RET: variants seen among roughly 807,000 people sequenced by gnomAD.
RET encodes ret proto-oncogene.
A neutral mutation model predicts 118.3 loss-of-function variants in RET; 19 were observed. The ratio of observed to expected loss-of-function variants is 0.16; its 90% CI spans 0.11 to 0.24. The LOEUF (loss-of-function observed/expected upper bound fraction) is 0.24, where lower values mean the gene tolerates loss of function less well. RET is among the 10% of genes least tolerant of loss of function. The pLI, the probability that RET is intolerant of heterozygous loss-of-function variation, is 1.00. For missense variants in RET, 1,219 were observed against 1,502.1 expected, an observed-to-expected ratio of 0.81 and a Z score of 3.12; for synonymous variants, 597 against 644.1, an observed-to-expected ratio of 0.93 and a Z score of 1.11.
rs746493433 is a variant in RET at position 43,128,210 on chromosome 10, T to C, written c.3286T>C (p.Tyr1096His). Residue 1096 changes from tyrosine (Y) to histidine (H), a missense_variant, in exon 20 of 20, where the codon TAT becomes CAT. Coordinates refer to ENST00000355710, the MANE Select transcript of RET (RefSeq NM_020975.6). ...GFPRYPNDSV[Y>H]ANWMLSPSAA... ...TCCAAGATATCCAAATGATAGTGTA[T>C]ATGCTAACTGGATGCTTTCACCCTC... 1.2e-6 allele frequency: 2 copies of C among 1,614,184 alleles called. No homozygotes were observed. The highest frequency in any genetic ancestry group is 1.1e-5 in the South Asian group (1 of 91,082).
intron 5 of RET, among the ~76,000 whole-genome samples, chr10:43,107,259 A>G (rs1010877803): frequency 4.2e-4 from 63 of 151,702 alleles, no homozygotes; most frequent in Admixed American, 2.7e-3. Context: ...TCCCCACCTC[A>G]CCAAGCCTAT....
In RET at chr10:43,106,856, C is replaced by T. The variant is rs899585748; in HGVS notation, c.1063+285C>T. ...TGCTGACCTCACCAGGGCTCACCAC[C>T]GACTGCAAACACACATGTCACCTGA... On this transcript the variant is annotated intron_variant, in intron 5 of 19. Coordinates refer to ENST00000355710, the MANE Select transcript of RET (RefSeq NM_020975.6). The surrounding 1 kb of genome is among the most constrained non-coding windows in gnomAD (Gnocchi z 5.1). 1.3e-5 allele frequency among the ~76,000 whole-genome samples: 2 copies of T among 152,364 alleles called. No individual in the cohort carries two copies. Among genetic ancestry groups the T allele is most frequent in the East Asian group, 1.9e-4 (1 of 5,186 alleles).
At chr10:43,093,665 C>T (rs1221884991) in intron 1 of RET, among the ~76,000 whole-genome samples, 1 of 152,104 alleles carries the variant, frequency 6.6e-6, no homozygotes, top group Non-Finnish European at 1.5e-5. Flanking sequence ...CGCTGGACAG[C>T]ACCAAAGACA....
intron 12 of RET, among the ~76,000 whole-genome samples, chr10:43,117,134 G>T (rs906470847): frequency 1.1e-4 from 16 of 152,200 alleles, no homozygotes; most frequent in Admixed American, 3.3e-4. Flanking sequence ...TGGCCTGCAT[G>T]CCCAGTCATG....
intron 1 of RET, among the ~76,000 whole-genome samples, 176 bp downstream of exon 1, chr10:43,077,507 CAGG>C (rs1837074074): frequency 6.7e-6 from 1 of 149,080 alleles, no homozygotes; most frequent in Non-Finnish European, 1.5e-5. Context: ...GGGCGAAGGG[CAGG>C]ACGCCTCGGG....
chr10:43,116,770 C>G (rs2132911526), intron 12 of RET, 39 bp downstream of exon 12: 2 of 1,587,348 alleles, frequency 1.3e-6, no homozygotes, highest in Non-Finnish European at 1.7e-6. Context: ...CTGGGGGAGT[C>G]TCCGGGGCGG....
Position 43,104,911 on chromosome 10 carries a change from G to T in RET, c.626-41G>T. The T allele has an allele frequency of 2.6e-6, 4 of 1,542,506 alleles. 1 individual carries two copies. ...CGAGGAAAGCGGCTGGCCCGGTCCCGGCTGGTGATCACGCGGGGCCCCTGT... is the reference window on the plus strand; with the variant it reads ...CGAGGAAAGCGGCTGGCCCGGTCCCTGCTGGTGATCACGCGGGGCCCCTGT... On this transcript the variant is annotated intron_variant, in intron 3 of 19. Transcript: ENST00000355710.
At chr10:43,091,009 G>A (rs894075617) in intron 1 of RET, among the ~76,000 whole-genome samples, 1 of 151,806 alleles carries the variant, frequency 6.6e-6, no homozygotes, top group African/African-American at 2.4e-5. Context: ...AGGTGACCAG[G>A]GCAGCAGGGT....
chr10:43,124,287 G>T (rs752348822), intron 17 of RET, among the ~76,000 whole-genome samples: 28 of 152,230 alleles, frequency 1.8e-4, no homozygotes, highest in Admixed American at 5.2e-4. Flanking sequence ...GAGATGCATG[G>T]TACATGCATT....
Position 43,123,744 on chromosome 10 carries a change from C to G in RET, c.2875C>G (p.Arg959Gly), listed in dbSNP as rs587778658. ...GNPYPGIPPE[R>G]LFNLLKTGHR... Reference sequence around the variant, plus strand: ...CCCCTATCCTGGGATTCCTCCTGAGCGGCTCTTCAACCTTCTGAAGACCGG... The same window carrying G: ...CCCCTATCCTGGGATTCCTCCTGAGGGGCTCTTCAACCTTCTGAAGACCGG... Residue 959 changes from arginine (R) to glycine (G), a missense_variant, in exon 17 of 20, where the codon CGG becomes GGG. Arg to Gly is a moderately radical substitution (Grantham distance 125, BLOSUM62 -2). This residue lies in a region of RET where 73 missense variants were observed against 156.5 expected (regional missense o/e 0.47). Coordinates refer to ENST00000355710, the MANE Select transcript of RET (RefSeq NM_020975.6). 6.2e-7 allele frequency: 1 copy of G among 1,614,150 alleles called. No homozygotes were observed. The highest frequency in any genetic ancestry group is 8.5e-7 in the Non-Finnish European group (1 of 1,180,030).
chr10:43,116,777 G>GT, intron 12 of RET, 46 bp downstream of exon 12: 1 of 1,155,754 alleles, frequency 8.7e-7, no homozygotes, highest in Non-Finnish European at 1.3e-6. Flanking sequence ...AGTCTCCGGG[G>GT]CGGGGGGCGG....
Position 43,116,552 on chromosome 10 carries a change from CT to C in RET, c.2137-31del, listed in dbSNP as rs778378926. On this transcript the variant is annotated intron_variant, in intron 11 of 19. Transcript: ENST00000355710. ...CCTGTCATCCTCACACTTTTCCCCCCTCTTCTCCCCCTTCCCTCATTTCCAA... is the reference window on the plus strand; with the variant it reads ...CCTGTCATCCTCACACTTTTCCCCCCCTTCTCCCCCTTCCCTCATTTCCAA... 3.3e-5 allele frequency: 53 copies of C among 1,613,484 alleles called. No homozygotes were observed. The highest frequency in any genetic ancestry group is 5.5e-5 in the South Asian group (5 of 91,064).
At chr10:43,111,077 C>CG (rs1033317236) in intron 6 of RET, 130 bp from the exon 7 acceptor site, 125 of 1,318,652 alleles carry the variant, frequency 9.5e-5, no homozygotes, top group African/African-American at 1.5e-4. Flanking sequence ...ACAGGGTGCT[C>CG]GGGGGGGCTG....
At chr10:43,087,709 G>A (rs1023377941) in intron 1 of RET, among the ~76,000 whole-genome samples, 2 of 152,196 alleles carry the variant, frequency 1.3e-5, no homozygotes, top group African/African-American at 2.4e-5. Flanking sequence ...TTTATGCCAG[G>A]GATCAAGCAG....
intron 1 of RET, among the ~76,000 whole-genome samples, chr10:43,077,930 C>T (rs940525264): frequency 3.3e-5 from 5 of 152,208 alleles, no homozygotes; most frequent in African/African-American, 1.2e-4. Context: ...GGGGTGGCTC[C>T]CCCCGAGGGG....
chr10:43,120,138 A>C lies in RET; in HGVS notation c.2665A>C (p.Lys889Gln). Residue 889 changes from lysine (K) to glutamine (Q), a missense_variant, in exon 15 of 20, where the codon AAG becomes CAG. Physicochemically the swap from Lys to Gln is moderately conservative, Grantham distance 53. This residue lies in a region of RET where 73 missense variants were observed against 156.5 expected (regional missense o/e 0.47). Transcript: ENST00000355710. The stretch of plus-strand genomic sequence containing the variant: ...CCTGGTAGCTGAGGGGCGGAAGATG[A>C]AGATTTCGGATTTCGGCTTGTCCCG... ...NILVAEGRKM[K>Q]ISDFGLSRDV... 1 of 1,613,998 alleles carries C rather than the reference A, an allele frequency of 6.2e-7. No individual in the cohort carries two copies. Among genetic ancestry groups the C allele is most frequent in the Non-Finnish European group, 8.5e-7 (1 of 1,180,020 alleles).
rs1588848600 is a variant in RET at position 43,077,339 on chromosome 10, CT to C, written c.73+9del. On this transcript the variant is annotated intron_variant, in intron 1 of 19. Coordinates refer to ENST00000355710, the MANE Select transcript of RET (RefSeq NM_020975.6). Reference sequence around the variant, plus strand: ...TGCCGCTGCTAGGCAAAGGTGAGTTCTGCCGGCCGCCGGCTCCCGCAGGGGC... The same window carrying C: ...TGCCGCTGCTAGGCAAAGGTGAGTTCGCCGGCCGCCGGCTCCCGCAGGGGC... The C allele has an allele frequency of 6.6e-7, 1 of 1,506,502 alleles. No homozygotes were observed. Among genetic ancestry groups the C allele is most frequent in the Non-Finnish European group, 8.8e-7 (1 of 1,132,960 alleles). The allele number at this position is 1,506,502 out of a possible 1,614,324, so 93.3% of individuals were successfully genotyped here.
chr10:43,127,059 T>A lies in RET; in HGVS notation c.3187+337T>A, dbSNP rs140975940. The A allele has an allele frequency of 4.5e-5, 56 of 1,238,892 alleles. No individual in the cohort carries two copies. In the African/African-American group the frequency reaches 8.4e-4, roughly 19 times the overall value. The allele number at this position is 1,238,892 out of a possible 1,614,324, so 76.7% of individuals were successfully genotyped here. ...GGGGTGGGAATCAAGTCATAGTACTTCTACTTTAACTAAGTGGATAAATAT... is the reference window on the plus strand; with the variant it reads ...GGGGTGGGAATCAAGTCATAGTACTACTACTTTAACTAAGTGGATAAATAT... On this transcript the variant is annotated intron_variant, in intron 19 of 19. Transcript: ENST00000355710.
Position 43,127,520 on chromosome 10 carries a change from TTCA to T in RET, c.3188-587_3188-585del, listed in dbSNP as rs1456697801. 20 of 1,017,324 alleles carry T rather than the reference TTCA, an allele frequency of 2.0e-5. No homozygotes were observed. In the Admixed American group the frequency reaches 7.6e-4, roughly 39 times the overall value. The allele number at this position is 1,017,324 out of a possible 1,614,324, so 63.0% of individuals were successfully genotyped here. A position where few individuals can be genotyped will look rare whatever the true frequency, so the allele number is the denominator to read the frequency against. On this transcript the variant is annotated intron_variant, in intron 19 of 19. Transcript: ENST00000355710. ...CTAGAAATTTTTTCTGTTTCCTAAC[TTCA>T]TCATTGATTGTTTGAAATCTTGGAG... is the stretch of plus-strand genomic sequence containing the variant.
Sources: gnomAD v4.1 joint callset for allele counts (sites outside exome capture counted in the v4.1 genomes callset) on GRCh38, gnomAD v4.1.1 for gene constraint, gnomAD v4.1.1 regional missense constraint, Gnocchi (gnomAD v3.1) non-coding constraint, MANE v1.5 for transcripts, NCBI Gene and HGNC (gene_info 2026-07-23, HGNC 2026-07-21) for gene names.